Variants in MUC5AC observed in about 807,000 individuals in gnomAD.
MUC5AC encodes the protein mucin 5AC, oligomeric mucus/gel-forming.
In MUC5AC, 158 loss-of-function variants were observed where a neutral mutation model predicts 169.7. The observed-to-expected ratio is 0.93, with a 90% confidence interval of 0.82 to 1.06. MUC5AC has a LOEUF of 1.06. Ranked by LOEUF, MUC5AC falls within the 50% of genes least tolerant of loss-of-function variation. The pLI, the probability that MUC5AC is intolerant of heterozygous loss-of-function variation, is 0.00. For synonymous variants in MUC5AC, 1,975 were observed against 1,237.0 expected, an observed-to-expected ratio of 1.60 and a Z score of -12.52; for missense variants, 4,359 against 3,089.9, an observed-to-expected ratio of 1.41 and a Z score of -9.74.
Position 1,195,715 on chromosome 11 carries a change from G to A in MUC5AC, c.15459-161G>A, listed in dbSNP as rs1256660091. On this transcript the variant is annotated intron_variant, in intron 36 of 48. Transcript: ENST00000621226. ...CCCCGCCCCCAAGCACACAGAATGT[G>A]TGGAAGGAGCCCGTCCGGGGATACA... Among the ~76,000 whole-genome samples the A allele has an allele frequency of 1.1e-4, 16 of 142,524 alleles. 4 individuals carry two copies. The highest frequency in any genetic ancestry group is 4.3e-4 in the African/African-American group (16 of 37,348). 93.5% of individuals were successfully genotyped at this position (142,524 alleles called of 152,430 possible). A position where few individuals can be genotyped will look rare whatever the true frequency, so the allele number is the denominator to read the frequency against.
At chr11:1,173,875 C>G in intron 16 of MUC5AC, among the ~76,000 whole-genome samples, 1 of 112,730 alleles carries the variant, frequency 8.9e-6, no homozygotes, top group Non-Finnish European at 2.1e-5. Context: ...CATCCACTCA[C>G]TCACCCACTC....
In MUC5AC at chr11:1,200,710, T is replaced by G. The variant is rs754794317; in HGVS notation, c.*8T>G. On this transcript the variant is annotated 3_prime_UTR_variant, in exon 49 of 49. Coordinates refer to ENST00000621226, the MANE Select transcript of MUC5AC (RefSeq NM_001304359.2). ...GTGTCCCCCATGCACTGACCAGCAC[T>G]GCCGCCCTCCTGACCTCCAAGGAGA... 5 of 724,310 alleles carry G rather than the reference T, an allele frequency of 6.9e-6. No homozygotes were observed. Among genetic ancestry groups the G allele is most frequent in the Non-Finnish European group, 1.0e-5 (4 of 391,986 alleles). 44.9% of individuals were successfully genotyped at this position (724,310 alleles called of 1,614,324 possible). A position where few individuals can be genotyped will look rare whatever the true frequency, so the allele number is the denominator to read the frequency against.
rs772551298 is a variant in MUC5AC at position 1,168,961 on chromosome 11, C to G, written c.1805C>G (p.Thr602Ser). The change falls in exon 15 of 49, where the codon ACC (threonine) becomes AGC (serine). Residue 602 changes from threonine to serine, a missense_variant. Transcript: ENST00000621226. Reference protein sequence around the residue: ...TAAAFFNTFKTQAACPNIRNS... With the variant: ...TAAAFFNTFKSQAACPNIRNS... The stretch of plus-strand genomic sequence containing the variant: ...GCGGCCTTCTTCAACACCTTCAAGA[C>G]CCAGGCCGCCTGCCCCAACATCAGG... 60 of 1,611,342 alleles carry G rather than the reference C, an allele frequency of 3.7e-5. No individual in the cohort carries two copies. The highest frequency in any genetic ancestry group is 5.1e-5 in the Non-Finnish European group (60 of 1,179,154).
Position 1,186,658 on chromosome 11 carries a change from C to G in MUC5AC, c.8513C>G (p.Pro2838Arg). ...TCTGGTCCTGGAACTACTTCAAGCC[C>G]TGTTCCCACCACCAGCACAACCTCT... ...TTSGPGTTSS[P>R]VPTTSTTSAP... is the part of the protein sequence containing the mutation. The change falls in exon 31 of 49, where the codon CCT becomes CGT. Residue 2838 changes from proline (P) to arginine (R), a missense_variant. Physicochemically the swap from Pro to Arg is moderately radical, Grantham distance 103. Coordinates refer to ENST00000621226, the MANE Select transcript of MUC5AC (RefSeq NM_001304359.2). The G allele has an allele frequency of 1.4e-6, 1 of 739,616 alleles. No homozygotes were observed. The highest frequency in any genetic ancestry group is 2.5e-5 in the East Asian group (1 of 40,084). 45.8% of individuals were successfully genotyped at this position (739,616 alleles called of 1,614,324 possible). A position where few individuals can be genotyped will look rare whatever the true frequency, so the allele number is the denominator to read the frequency against.
Position 1,189,151 on chromosome 11 carries a change from A to G in MUC5AC, c.11006A>G (p.Gln3669Arg), listed in dbSNP as rs1861021583. 1.7e-6 allele frequency: 1 copy of G among 591,152 alleles called. No homozygotes were observed. The highest frequency in any genetic ancestry group is 3.0e-6 in the Non-Finnish European group (1 of 332,084). 36.6% of individuals were successfully genotyped at this position (591,152 alleles called of 1,614,324 possible). The change falls in exon 31 of 49, where the codon CAG (glutamine) becomes CGG (arginine). Residue 3669 changes from glutamine to arginine, a missense_variant. Physicochemically the swap from Gln to Arg is conservative, Grantham distance 43. Coordinates refer to ENST00000621226, the MANE Select transcript of MUC5AC (RefSeq NM_001304359.2). ...LVTSSITSTT[Q>R]TSTTSAPTTS... The stretch of plus-strand genomic sequence containing the variant: ...ACAAGCAGCATAACCTCCACTACAC[A>G]GACCAGCACAACCTCTGCCCCTACA...
In MUC5AC at chr11:1,165,354, T is replaced by A. The variant is rs777641734; in HGVS notation, c.1182T>A (p.Cys394Ter). Residue 394 changes from cysteine (C) to a stop codon, truncating the protein, a stop_gained, in exon 10 of 49, where the codon TGT (cysteine) becomes TGA (stop). Transcript: ENST00000621226. LOFTEE classifies it high-confidence loss of function. ...GQTGCVPVSKCACVYNGAAYA... is the reference protein window; with the variant it reads ...GQTGCVPVSK ...CCGGCTGTGTCCCTGTGTCAAAGTGTGCCTGCGTCTACAACGGGGCTGCCT... is the reference window on the plus strand; with the variant it reads ...CCGGCTGTGTCCCTGTGTCAAAGTGAGCCTGCGTCTACAACGGGGCTGCCT... 6.2e-7 allele frequency: 1 copy of A among 1,612,422 alleles called. No individual in the cohort carries two copies. Among genetic ancestry groups the A allele is most frequent in the Non-Finnish European group, 8.5e-7 (1 of 1,179,726 alleles).
intron 15 of MUC5AC, 79 bp from the exon 16 acceptor site, chr11:1,172,350 C>T: frequency 2.5e-6 from 1 of 398,612 alleles, no homozygotes; most frequent in Non-Finnish European, 4.4e-6. Flanking sequence ...CCACCCAAAC[C>T]CCACACCAGA....
chr11:1,193,731 G>A, intron 33 of MUC5AC, 72 bp downstream of exon 33: 1 of 735,898 alleles, frequency 1.4e-6, no homozygotes, highest in Non-Finnish European at 2.5e-6. Context: ...AATGGGCGGG[G>A]CAGAGGAGGG....
intron 30 of MUC5AC, 80 bp from the exon 31 acceptor site, chr11:1,182,075 G>A (rs974513752): frequency 8.1e-5 from 31 of 382,066 alleles, no homozygotes; most frequent in African/African-American, 4.5e-4. Context: ...GCTCCAGACC[G>A]GTGACAGAGC....
At chr11:1,178,417 C>A in intron 24 of MUC5AC, 27 bp from the exon 25 acceptor site, 1 of 513,022 alleles carries the variant, frequency 1.9e-6, no homozygotes, top group Non-Finnish European at 3.1e-6. Context: ...GCTGCACCCA[C>A]CTCCACCTCT....
chr11:1,179,956 C>G, intron 26 of MUC5AC, 66 bp from the exon 27 acceptor site: 1 of 398,436 alleles, frequency 2.5e-6, no homozygotes, highest in Admixed American at 4.4e-5. Context: ...TAGAACAGCC[C>G]TGGGGTGCGG....
rs1262398727 is a variant in MUC5AC at position 1,188,585 on chromosome 11, C to T, written c.10440C>T (p.Ser3480=). Residue 3480 remains serine, a synonymous_variant, in exon 31 of 49, where the codon TCC becomes TCT. Coordinates refer to ENST00000621226, the MANE Select transcript of MUC5AC (RefSeq NM_001304359.2). ...CAGCTGCTACAAGCAGCACAACCTC[C>T]GGTTCTGGAACTACTCCCAGCCCTG... ...KTSAATSSTT[S]GSGTTPSPVT... The T allele has an allele frequency of 3.8e-5, 29 of 764,280 alleles. No homozygotes were observed. Among genetic ancestry groups the T allele is most frequent in the African/African-American group, 1.9e-4 (11 of 59,206 alleles). 47.3% of individuals were successfully genotyped at this position (764,280 alleles called of 1,614,324 possible).
At position 1,181,323 on chromosome 11, in the gene MUC5AC, C is replaced by T; in HGVS notation, c.3873C>T (p.Tyr1291=). ...GQRFHPGDVI[Y]HTTDGTGGCI... ...GCTTCCACCCAGGGGACGTCATCTA[C>T]CACACGACGGATGGCACGGGTGGCT... The change falls in exon 30 of 49, where the codon TAC becomes TAT. Residue 1291 remains tyrosine, a synonymous_variant. Transcript: ENST00000621226. 1 of 398,698 alleles carries T rather than the reference C, an allele frequency of 2.5e-6. No individual in the cohort carries two copies. Among genetic ancestry groups the T allele is most frequent in the East Asian group, 3.6e-5 (1 of 28,048 alleles). The allele number at this position is 398,698 out of a possible 1,614,324, so 24.7% of individuals were successfully genotyped here.
chr11:1,196,223 G>A (rs55987234), intron 37 of MUC5AC, among the ~76,000 whole-genome samples, 165 bp from the exon 38 acceptor site: 201 of 152,330 alleles, frequency 1.3e-3, no homozygotes, highest in African/African-American at 4.6e-3. Flanking sequence ...GGGCGTCCAC[G>A]TCTGGGAGCC....
intron 24 of MUC5AC, among the ~76,000 whole-genome samples, 191 bp from the exon 25 acceptor site, chr11:1,178,253 G>A (rs1336770619): frequency 1.3e-5 from 2 of 151,064 alleles, no homozygotes; most frequent in African/African-American, 4.8e-5. Flanking sequence ...TGCACTGCCC[G>A]GGGCCTCCCC....
In MUC5AC at chr11:1,198,863, G is replaced by T. The variant is rs76692682; in HGVS notation, c.16174-11G>T. On this transcript the variant is annotated splice_polypyrimidine_tract_variant and intron_variant, in intron 43 of 48. Transcript: ENST00000621226. ...AAGCTCATGAGTGTCTGCTGCCCTG[G>T]CTCTCCCCAGCCCGGCGCCGTGGTC... 6 of 728,548 alleles carry T rather than the reference G, an allele frequency of 8.2e-6. No individual in the cohort carries two copies. Among genetic ancestry groups the T allele is most frequent in the African/African-American group, 1.7e-5 (1 of 58,386 alleles). 45.1% of individuals were successfully genotyped at this position (728,548 alleles called of 1,614,324 possible).
intron 19 of MUC5AC, among the ~76,000 whole-genome samples, chr11:1,175,555 A>C (rs1860651116): frequency 7.6e-6 from 1 of 131,220 alleles, no homozygotes. Context: ...TCATGCACAC[A>C]CTCACACTCA....
Position 1,162,659 on chromosome 11 carries a change from G to C in MUC5AC, c.588+13G>C. On this transcript the variant is annotated intron_variant, in intron 5 of 48. Transcript: ENST00000621226. ...TGACAGCCTGCTGGTGAGGCTGGGT[G>C]GGGGTGTCCCGGTGTGCAACTCCAG... The C allele has an allele frequency of 6.2e-7, 1 of 1,609,270 alleles. No homozygotes were observed. Among genetic ancestry groups the C allele is most frequent in the Non-Finnish European group, 8.5e-7 (1 of 1,176,710 alleles).
Position 1,195,013 on chromosome 11 carries a change from C to A in MUC5AC, c.15192C>A (p.Gly5064=). The A allele has an allele frequency of 1.4e-6, 1 of 737,478 alleles. No individual in the cohort carries two copies. Among genetic ancestry groups the A allele is most frequent in the Non-Finnish European group, 2.5e-6 (1 of 403,748 alleles). The allele number at this position is 737,478 out of a possible 1,614,324, so 45.7% of individuals were successfully genotyped here. Residue 5064 remains glycine, a splice_region_variant and synonymous_variant, in exon 36 of 49, where the codon GGC becomes GGA. Transcript: ENST00000621226. The part of the protein sequence containing the change: ...KFANNTEGQC[G]TCTNDRKDEC... ...CTGACCCCCACCGCGTCTGCCCAGG[C>A]ACTTGCACCAACGACAGGAAGGATG...
Sources: gnomAD v4.1 joint callset for allele counts (sites outside exome capture counted in the v4.1 genomes callset) on GRCh38, gnomAD v4.1.1 for gene constraint, MANE v1.5 for transcripts, NCBI Gene and HGNC (gene_info 2026-07-23, HGNC 2026-07-21) for gene names.